The following KIFC2 variants were observed in gnomAD, a reference collection of about 807,000 sequenced individuals.
KIFC2 encodes kinesin-like protein KIFC2.
A neutral mutation model predicts 91.5 loss-of-function variants in KIFC2; 94 were observed. The ratio of observed to expected loss-of-function variants is 1.03; its 90% CI spans 0.87 to 1.22. KIFC2 has a LOEUF of 1.22. Among genes scored for constraint, KIFC2 ranks in the 50% most tolerant of loss-of-function variants. KIFC2 has a pLI of 0.00. For synonymous variants in KIFC2, 729 were observed against 503.9 expected (o/e 1.45, Z -5.98); for missense variants, 1,357 against 1,103.3 (o/e 1.23, Z -3.26).
rs1185757324 is a variant in KIFC2, at chr8:144,468,662, G to A, written c.1003+12G>A. The A allele has an allele frequency of 1.9e-6, 3 of 1,613,462 alleles. No individual in the cohort carries two copies. Among genetic ancestry groups the A allele is most frequent in the Non-Finnish European group, 2.5e-6 (3 of 1,179,578 alleles). On this transcript the variant is annotated intron_variant, in intron 9 of 17. Transcript: ENST00000645548. The stretch of plus-strand genomic sequence containing the variant: ...TGGGCAGCTGGCAGGTAAGGGTTGG[G>A]GTTGGGGCTCATGGGAGGCCCTGGA...
chr8:144,471,459 C>A (rs1296244587), intron 12 of KIFC2, among the ~76,000 whole-genome samples: 1 of 152,058 alleles, frequency 6.6e-6, no homozygotes, highest in African/African-American at 2.4e-5. Context: ...CACAGATGTG[C>A]AACACCATGC....
chr8:144,471,377 C>T lies in KIFC2; in HGVS notation c.1381-565C>T, dbSNP rs566949941. ...TCAGGCTGGAGTGCAGTGGTGCAAT[C>T]TCAGGTCACTACAACCTCTGCTTCC... On this transcript the variant is annotated intron_variant, in intron 12 of 17. Coordinates refer to ENST00000645548, the MANE Select transcript of KIFC2 (RefSeq NM_001369769.2). Among the ~76,000 whole-genome samples the T allele has an allele frequency of 2.6e-3, 393 of 150,178 alleles. 4 individuals carry two copies. Among genetic ancestry groups the T allele is most frequent in the African/African-American group, 8.5e-3 (349 of 40,942 alleles).
rs1362615828 is a variant in KIFC2 at position 144,473,510 on chromosome 8, C to T, written c.*121C>T. The T allele has an allele frequency of 2.2e-6, 3 of 1,384,520 alleles. No homozygotes were observed. Among genetic ancestry groups the T allele is most frequent in the Non-Finnish European group, 2.8e-6 (3 of 1,058,200 alleles). 85.8% of individuals were successfully genotyped at this position (1,384,520 alleles called of 1,614,324 possible). ...CTCCCTAGCCTCTTTGGATCCATTG[C>T]CCCTGAGCTCCCAGAGTCACCCCTC... is the stretch of plus-strand genomic sequence containing the variant. On this transcript the variant is annotated 3_prime_UTR_variant, in exon 18 of 18. Coordinates refer to ENST00000645548, the MANE Select transcript of KIFC2 (RefSeq NM_001369769.2).
rs191449309 is a variant in KIFC2 at position 144,468,323 on chromosome 8, C to T, written c.811-6C>T. 1.2e-4 allele frequency: 193 copies of T among 1,608,158 alleles called. No individual in the cohort carries two copies. In the East Asian group the frequency reaches 4.0e-3, roughly 34 times the overall value. ...TGAGTCCCTCCTGGCCCCCACCCTC[C>T]CGCAGGAGGAGGCAGAGGCATTGCT... On this transcript the variant is annotated splice_region_variant and splice_polypyrimidine_tract_variant and intron_variant, in intron 7 of 17. Coordinates refer to ENST00000645548, the MANE Select transcript of KIFC2 (RefSeq NM_001369769.2).
rs531040960 is a variant in KIFC2, at chr8:144,467,251, C to G, written c.379C>G (p.Leu127Val). ...LLTVTSQLLA[L>V]LAWLRSPRGR... is the part of the protein sequence containing the mutation. ...GACAGTGACCAGTCAGCTCTTGGCC[C>G]TTCTGGCATGGCTTCGAAGCCCCAG... Residue 127 changes from leucine to valine, a missense_variant, in exon 4 of 18, where the codon CTT (leucine) becomes GTT (valine). By Grantham distance (32) the Leu-to-Val change is conservative (BLOSUM62 1). Transcript: ENST00000645548. 1.9e-6 allele frequency: 3 copies of G among 1,613,532 alleles called. No individual in the cohort carries two copies. Among genetic ancestry groups the G allele is most frequent in the African/African-American group, 1.3e-5 (1 of 74,954 alleles).
At chr8:144,467,826 T>A in intron 6 of KIFC2, 33 bp from the exon 7 acceptor site, 1 of 1,613,406 alleles carries the variant, frequency 6.2e-7, no homozygotes. Flanking sequence ...GAGGGGGTGC[T>A]TCAGGTGAGT....
intron 1 of KIFC2, 77 bp downstream of exon 1, chr8:144,466,595 G>A: frequency 1.1e-6 from 1 of 906,534 alleles, no homozygotes. Context: ...CGGGGCGGGG[G>A]CGGGCACGGG....
chr8:144,473,283 C>T lies in KIFC2; in HGVS notation c.2270C>T (p.Thr757Ile). 6.2e-7 allele frequency: 1 copy of T among 1,606,358 alleles called. No homozygotes were observed. The highest frequency in any genetic ancestry group is 8.5e-7 in the Non-Finnish European group (1 of 1,177,412). The stretch of plus-strand genomic sequence containing the variant: ...TCCCTCAGCACCGACACTCCGCTCA[C>T]CGGGACCCCCTGCACCCCTACGCCG... ...PSSLSTDTPLTGTPCTPTPSP... is the reference protein window; with the variant it reads ...PSSLSTDTPLIGTPCTPTPSP... Residue 757 changes from threonine to isoleucine, a missense_variant, in exon 18 of 18, where the codon ACC becomes ATC. Coordinates refer to ENST00000645548, the MANE Select transcript of KIFC2 (RefSeq NM_001369769.2).
Position 144,467,249 on chromosome 8 carries a change from C to T in KIFC2, c.377C>T (p.Ala126Val), listed in dbSNP as rs754768081. The T allele has an allele frequency of 1.6e-5, 26 of 1,613,536 alleles. No homozygotes were observed. Among genetic ancestry groups the T allele is most frequent in the Non-Finnish European group, 2.2e-5 (26 of 1,180,030 alleles). The change falls in exon 4 of 18, where the codon GCC becomes GTC. Residue 126 changes from alanine to valine, a missense_variant. By Grantham distance (64) the Ala-to-Val change is moderately conservative. Transcript: ENST00000645548. ...SLLTVTSQLL[A>V]LLAWLRSPRG... is the part of the protein sequence containing the mutation. The stretch of plus-strand genomic sequence containing the variant: ...TTGACAGTGACCAGTCAGCTCTTGG[C>T]CCTTCTGGCATGGCTTCGAAGCCCC...
In KIFC2 at chr8:144,473,928, GCTGGTGA is replaced by G. The variant is rs1298237421; in HGVS notation, c.*543_*549del. 6.8e-6 allele frequency: 3 copies of G among 442,754 alleles called. No individual in the cohort carries two copies. Among genetic ancestry groups the G allele is most frequent in the Admixed American group, 3.9e-5 (1 of 25,382 alleles). The allele number at this position is 442,754 out of a possible 1,614,324, so 27.4% of individuals were successfully genotyped here. ...CTGGAGCACGGGAGGGGAGGTGACG[GCTGGTGA>G]CTGATGGATGGGTAGTGGGCTGAGA... is the stretch of plus-strand genomic sequence containing the variant. On this transcript the variant is annotated 3_prime_UTR_variant, in exon 18 of 18. Coordinates refer to ENST00000645548, the MANE Select transcript of KIFC2 (RefSeq NM_001369769.2).
intron 12 of KIFC2, among the ~76,000 whole-genome samples, 169 bp downstream of exon 12, chr8:144,469,816 C>T (rs1363782281): frequency 6.6e-6 from 1 of 152,246 alleles, no homozygotes; most frequent in Non-Finnish European, 1.5e-5. Flanking sequence ...GCAGGGCAGG[C>T]AGCCCAGCTT....
chr8:144,466,901 G>T, intron 2 of KIFC2, 58 bp from the exon 3 acceptor site: 2 of 1,554,048 alleles, frequency 1.3e-6, no homozygotes, highest in East Asian at 2.3e-5. Flanking sequence ...GGGAGGGGCG[G>T]AGGCCTGGCT....
rs973710216 is a variant in KIFC2 at position 144,473,484 on chromosome 8, G to A, written c.*95G>A. ...CTGTACCCCGTCTCCCAGGGCACAAGCTCCCTAGCCTCTTTGGATCCATTG... is the reference window on the plus strand; with the variant it reads ...CTGTACCCCGTCTCCCAGGGCACAAACTCCCTAGCCTCTTTGGATCCATTG... On this transcript the variant is annotated 3_prime_UTR_variant, in exon 18 of 18. Transcript: ENST00000645548. 22 of 1,448,196 alleles carry A rather than the reference G, an allele frequency of 1.5e-5. No individual in the cohort carries two copies. In the Admixed American group the frequency reaches 4.3e-4, roughly 29 times the overall value. 89.7% of individuals were successfully genotyped at this position (1,448,196 alleles called of 1,614,324 possible).
intron 12 of KIFC2, among the ~76,000 whole-genome samples, chr8:144,471,713 C>T (rs1450769690): frequency 6.6e-6 from 1 of 152,178 alleles, no homozygotes; most frequent in Non-Finnish European, 1.5e-5. Context: ...TTCCTCTTCT[C>T]ATTGTGTCTT....
rs756342977 is a variant in KIFC2 at position 144,472,923 on chromosome 8, C to T, written c.1990C>T (p.Leu664=). ...GGCCCAGACCATAAACCGCTCGCTG[C>T]TGGCGCTAGGAGGCGTGATGGCCGC... ...REAQTINRSL[L]ALGGVMAALR... Residue 664 remains leucine, a synonymous_variant, in exon 17 of 18, where the codon CTG becomes TTG. Transcript: ENST00000645548. 1.9e-5 allele frequency: 28 copies of T among 1,491,062 alleles called. No individual in the cohort carries two copies. In the East Asian group the frequency reaches 2.7e-4, roughly 14 times the overall value. The allele number at this position is 1,491,062 out of a possible 1,614,324, so 92.4% of individuals were successfully genotyped here. A position where few individuals can be genotyped will look rare whatever the true frequency, so the allele number is the denominator to read the frequency against.
intron 12 of KIFC2, among the ~76,000 whole-genome samples, chr8:144,471,326 T>G (rs1210159433): frequency 6.6e-6 from 1 of 151,752 alleles, no homozygotes; most frequent in African/African-American, 2.4e-5. Flanking sequence ...TGTATTTTTT[T>G]TTTTTTGGAC....
intron 10 of KIFC2, among the ~76,000 whole-genome samples, 186 bp from the exon 11 acceptor site, chr8:144,469,085 C>T (rs944407144): frequency 2.6e-5 from 4 of 152,206 alleles, no homozygotes; most frequent in Admixed American, 6.5e-5. Flanking sequence ...TCCTGCCTGT[C>T]ATTCCTGGGC....
In KIFC2 at chr8:144,466,450, ATCT is replaced by A. The variant is rs774442919; in HGVS notation, c.35_37del (p.Phe12del). The A allele has an allele frequency of 3.4e-5, 46 of 1,363,856 alleles. No individual in the cohort carries two copies. The highest frequency in any genetic ancestry group is 4.4e-5 in the Non-Finnish European group (46 of 1,045,376). The allele number at this position is 1,363,856 out of a possible 1,614,324, so 84.5% of individuals were successfully genotyped here. A position where few individuals can be genotyped will look rare whatever the true frequency, so the allele number is the denominator to read the frequency against. ...CGCCTTTTACTCGTTGCTCATCTACATCTTCTACAGCCTCTTCCGCAGGGATGG... is the reference window on the plus strand; with the variant it reads ...CGCCTTTTACTCGTTGCTCATCTACATCTACAGCCTCTTCCGCAGGGATGG... On this transcript the variant is annotated inframe_deletion, in exon 1 of 18. Transcript: ENST00000645548.
chr8:144,473,353 C>T lies in KIFC2; in HGVS notation c.2340C>T (p.Gly780=), dbSNP rs1360252393. Residue 780 remains glycine, a synonymous_variant, in exon 18 of 18, where the codon GGC becomes GGT. Transcript: ENST00000645548. ...GCCCCAGTCCCGACAACGGCTCGGG[C>T]TCGGCTCTCGCGCCCGCAGAGGGCC... is the stretch of plus-strand genomic sequence containing the variant. ...PPCPSPDNGS[G]SALAPAEGLP... 3 of 1,582,600 alleles carry T rather than the reference C, an allele frequency of 1.9e-6. No homozygotes were observed. Among genetic ancestry groups the T allele is most frequent in the African/African-American group, 1.3e-5 (1 of 74,164 alleles).
Sources: allele counts gnomAD v4.1 joint callset (sites outside exome capture counted in the v4.1 genomes callset), GRCh38; gene constraint gnomAD v4.1.1; transcripts MANE v1.5; gene names NCBI Gene and HGNC (gene_info 2026-07-23, HGNC 2026-07-21).